UMODL1: variants seen among roughly 807,000 people sequenced by gnomAD.
The protein encoded by UMODL1 is uromodulin-like 1.
A neutral mutation model predicts 136.3 loss-of-function variants in UMODL1; 128 were observed. The observed-to-expected ratio is 0.94, with a 90% CI of 0.81 to 1.09. The LOEUF is 1.09. Among genes scored for constraint, UMODL1 ranks in the 50% least tolerant of loss-of-function variants. The pLI, the probability that UMODL1 is intolerant of heterozygous loss-of-function variation, is 0.00. For synonymous variants in UMODL1, 721 were observed against 720.0 expected (o/e 1.00, Z -0.02); for missense variants, 1,766 against 1,725.6 (o/e 1.02, Z -0.41).
Position 42,084,084 on chromosome 21 carries a change from C to T in UMODL1, c.320C>T (p.Pro107Leu). The change falls in exon 3 of 23, where the codon CCC becomes CTC. Residue 107 changes from proline to leucine, a missense_variant and splice_region_variant. Pro to Leu is a moderately conservative substitution (Grantham distance 98, BLOSUM62 -3). Coordinates refer to ENST00000408910, the MANE Select transcript of UMODL1 (RefSeq NM_001004416.3). ...CATTAATTGTATCATTTTCTCCCAG[C>T]CCTGAATCAGTCCGGGCAGTTCACG... is the stretch of plus-strand genomic sequence containing the variant. Reference protein sequence around the residue: ...YEQLGLYCVLPLNQSGQFTSR... With the variant: ...YEQLGLYCVLLLNQSGQFTSR... 1.9e-6 allele frequency: 3 copies of T among 1,612,166 alleles called. No homozygotes were observed. The highest frequency in any genetic ancestry group is 2.5e-6 in the Non-Finnish European group (3 of 1,179,052).
intron 6 of UMODL1, among the ~76,000 whole-genome samples, chr21:42,097,212 C>T (rs73905544): frequency 0.02 from 3,059 of 152,330 alleles, 98 homozygotes; most frequent in African/African-American, 0.07. Flanking sequence ...CTACATTCTA[C>T]CCCACATCCT....
intron 2 of UMODL1, among the ~76,000 whole-genome samples, chr21:42,082,107 C>G (rs1392964890): frequency 2.0e-5 from 3 of 152,234 alleles, no homozygotes; most frequent in Admixed American, 6.5e-5. Flanking sequence ...AGGCCGGGCG[C>G]CAGGCAGACA....
intron 21 of UMODL1, among the ~76,000 whole-genome samples, chr21:42,133,376 C>T (rs1569179806): frequency 6.6e-6 from 1 of 152,252 alleles, no homozygotes; most frequent in Non-Finnish European, 1.5e-5. Flanking sequence ...CAGCTGGTAC[C>T]TGCACGAGCT....
rs370840257 is a variant in UMODL1 at position 42,075,955 on chromosome 21, C to T, written c.77-50C>T. On this transcript the variant is annotated intron_variant, in intron 1 of 22. Coordinates refer to ENST00000408910, the MANE Select transcript of UMODL1 (RefSeq NM_001004416.3). ...GACGCCTTGCGGATAACCGCTCGCA[C>T]GGATCTGATCCTGGTGTTCTCAGTC... 170 of 1,602,600 alleles carry T rather than the reference C, an allele frequency of 1.1e-4. 1 individual carries two copies. The highest frequency in any genetic ancestry group is 1.7e-4 in the Middle Eastern group (1 of 6,012).
At chr21:42,129,445 C>T (rs1206770687) in intron 20 of UMODL1, among the ~76,000 whole-genome samples, 1 of 152,166 alleles carries the variant, frequency 6.6e-6, no homozygotes, top group Non-Finnish European at 1.5e-5. Flanking sequence ...CAACCAAAAG[C>T]AGCTCAAGGG....
chr21:42,065,857 G>A (rs540347733), intron 1 of UMODL1, among the ~76,000 whole-genome samples: 57 of 152,212 alleles, frequency 3.7e-4, no homozygotes, highest in African/African-American at 1.3e-3. Context: ...AGACAGGCTG[G>A]AGTCCTGTCT....
intron 9 of UMODL1, among the ~76,000 whole-genome samples, chr21:42,105,401 G>A (rs1414346543): frequency 6.6e-6 from 1 of 152,178 alleles, no homozygotes. Flanking sequence ...TAGGGCTCAG[G>A]CGATTCCAGA....
chr21:42,123,034 T>A lies in UMODL1; in HGVS notation c.3031T>A (p.Ser1011Thr). ...CCAGAAGCGCTTCCTGCAGCAGGAA[T>A]CCATCCCCGAGTCCTCGTTGTACCT... ...AIQKRFLQQE[S>T]IPESSLYLSH... The change falls in exon 17 of 23, where the codon TCC becomes ACC. Residue 1011 changes from serine (S) to threonine (T), a missense_variant. Physicochemically the swap from Ser to Thr is moderately conservative, Grantham distance 58. Transcript: ENST00000408910. The surrounding 1 kb of genome is among the most constrained non-coding windows in gnomAD (Gnocchi z 4.4). 13 of 1,614,016 alleles carry A rather than the reference T, an allele frequency of 8.1e-6. No homozygotes were observed. Among genetic ancestry groups the A allele is most frequent in the Non-Finnish European group, 1.1e-5 (13 of 1,180,000 alleles).
chr21:42,128,022 A>G, intron 20 of UMODL1, 191 bp downstream of exon 20: 1 of 728,000 alleles, frequency 1.4e-6, no homozygotes, highest in Middle Eastern at 2.3e-4. Context: ...TGGACGGAGG[A>G]CTCATGTGGA....
upstream of UMODL1, among the ~76,000 whole-genome samples, chr21:42,071,015 G>C (rs1458264537): frequency 6.6e-6 from 1 of 152,198 alleles, no homozygotes; most frequent in African/African-American, 2.4e-5. Flanking sequence ...CCAGCGATGC[G>C]GTCTGGGCTT....
At chr21:42,111,220 G>A (rs1323450871) in intron 11 of UMODL1, 99 bp downstream of exon 11, 2 of 1,526,498 alleles carry the variant, frequency 1.3e-6, no homozygotes, top group Non-Finnish European at 1.8e-6. Context: ...TCAGACAGGA[G>A]AGTACCAGCC....
rs2066418481 is a variant in UMODL1 at position 42,085,680 on chromosome 21, G to A, written c.603+268G>A. 6.6e-6 allele frequency among the ~76,000 whole-genome samples: 1 copy of A among 152,216 alleles called. No homozygotes were observed. Among genetic ancestry groups the A allele is most frequent in the African/African-American group, 2.4e-5 (1 of 41,448 alleles). On this transcript the variant is annotated intron_variant, in intron 4 of 22. Coordinates refer to ENST00000408910, the MANE Select transcript of UMODL1 (RefSeq NM_001004416.3). The surrounding 1 kb of genome is among the most constrained non-coding windows in gnomAD (Gnocchi z 4.5). ...CCTCATAGGCCCGCCTGTCGTGGTG[G>A]AGAACGCGGATCCCTAAGCTTGCAG...
chr21:42,123,214 G>A lies in UMODL1; in HGVS notation c.3147+64G>A. 6.6e-7 allele frequency: 1 copy of A among 1,516,912 alleles called. No homozygotes were observed. The highest frequency in any genetic ancestry group is 8.9e-7 in the Non-Finnish European group (1 of 1,123,370). The allele number at this position is 1,516,912 out of a possible 1,614,324, so 94.0% of individuals were successfully genotyped here. A position where few individuals can be genotyped will look rare whatever the true frequency, so the allele number is the denominator to read the frequency against. ...GCGCAAGGGGCTCTAGGTTACATGG[G>A]CCTCGATGTGGGAGGGCCAGGCAAG... On this transcript the variant is annotated intron_variant, in intron 17 of 22. Transcript: ENST00000408910. The surrounding 1 kb of genome is among the most constrained non-coding windows in gnomAD (Gnocchi z 4.4).
chr21:42,109,569 C>T lies in UMODL1; in HGVS notation c.1527C>T (p.Asp509=), dbSNP rs182912247. The change falls in exon 10 of 23, where the codon GAC becomes GAT. Residue 509 remains aspartate, a synonymous_variant. Coordinates refer to ENST00000408910, the MANE Select transcript of UMODL1 (RefSeq NM_001004416.3). ...DRQGTRVQDW[D]ECVDSAEHDC... ...TGTGTCTCCCCCTGGCAGACTGGGA[C>T]GAGTGTGTGGACAGCGCGGAACACG... 2.2e-5 allele frequency: 36 copies of T among 1,611,326 alleles called. No individual in the cohort carries two copies. In the African/African-American group the frequency reaches 2.9e-4, roughly 13 times the overall value.
At position 42,109,596 on chromosome 21, in the gene UMODL1, C is replaced by T. The variant is rs748312575; in HGVS notation, c.1554C>T (p.Asp518=). 6 of 1,611,776 alleles carry T rather than the reference C, an allele frequency of 3.7e-6. No homozygotes were observed. The highest frequency in any genetic ancestry group is 5.1e-6 in the Non-Finnish European group (6 of 1,180,022). ...WDECVDSAEH[D]CSPAAWCINL... Reference sequence around the variant, plus strand: ...AGTGTGTGGACAGCGCGGAACACGACTGCTCACCGGCTGCCTGGTGCATCA... The same window carrying T: ...AGTGTGTGGACAGCGCGGAACACGATTGCTCACCGGCTGCCTGGTGCATCA... The change falls in exon 10 of 23, where the codon GAC becomes GAT. Residue 518 remains aspartate, a synonymous_variant. Coordinates refer to ENST00000408910, the MANE Select transcript of UMODL1 (RefSeq NM_001004416.3).
chr21:42,131,136 G>A (rs1285117744), intron 21 of UMODL1, among the ~76,000 whole-genome samples: 2 of 152,128 alleles, frequency 1.3e-5, no homozygotes. Context: ...TATGACAGAA[G>A]GAAAGAAACT....
In UMODL1 at chr21:42,090,294, G is replaced by A. The variant is rs1601197789; in HGVS notation, c.791-4G>A. 6.2e-7 allele frequency: 1 copy of A among 1,614,180 alleles called. No individual in the cohort carries two copies. The highest frequency in any genetic ancestry group is 2.2e-5 in the East Asian group (1 of 44,878). On this transcript the variant is annotated splice_region_variant and splice_polypyrimidine_tract_variant and intron_variant, in intron 5 of 22. Coordinates refer to ENST00000408910, the MANE Select transcript of UMODL1 (RefSeq NM_001004416.3). Reference sequence around the variant, plus strand: ...AGTGTGGGTCCTGCTCTCCTTCCCTGTAGATGTCAATGAGTGTTTCTATGA... The same window carrying A: ...AGTGTGGGTCCTGCTCTCCTTCCCTATAGATGTCAATGAGTGTTTCTATGA...
chr21:42,129,203 A>G (rs960373853), intron 20 of UMODL1, among the ~76,000 whole-genome samples: 3 of 152,136 alleles, frequency 2.0e-5, no homozygotes, highest in African/African-American at 7.2e-5. Context: ...GTAAGGTCAC[A>G]TGCACAGGTG....
At position 42,109,701 on chromosome 21, in the gene UMODL1, T is replaced by C. The variant is rs2066789753; in HGVS notation, c.1657+2T>C. On this transcript the variant is annotated splice_donor_variant, in intron 10 of 22. Transcript: ENST00000408910. LOFTEE classifies it high-confidence loss of function. ...CCCGCGCAGGCCGGGCCTGTGAGGG[T>C]ACGTGTCGACCCCCCTGCCGACTCT... The C allele has an allele frequency of 6.2e-7, 1 of 1,600,772 alleles. No homozygotes were observed. The highest frequency in any genetic ancestry group is 1.3e-5 in the African/African-American group (1 of 74,626).
Sources: allele counts gnomAD v4.1 joint callset (sites outside exome capture counted in the v4.1 genomes callset), GRCh38; gene constraint gnomAD v4.1.1; non-coding constraint Gnocchi (gnomAD v3.1); transcripts MANE v1.5; gene names NCBI Gene and HGNC (gene_info 2026-07-23, HGNC 2026-07-21).